Variants in ARHGAP6 observed in about 807,000 individuals in gnomAD.
ARHGAP6 encodes the protein Rho GTPase activating protein 6, also known as rho GTPase-activating protein 6.
ARHGAP6 carries 16 observed loss-of-function variants against 55.7 expected under a neutral mutation model. That is an observed-to-expected ratio of 0.29 (90% confidence interval 0.19 to 0.44). ARHGAP6 has a LOEUF of 0.44. ARHGAP6 is among the 20% of genes least tolerant of loss of function. ARHGAP6 has a pLI of 1.00. For synonymous variants in ARHGAP6, 382 were observed against 360.9 expected (o/e 1.06, Z -0.66); for missense variants, 698 against 808.9 (o/e 0.86, Z 1.66).
chrX:11,152,170 C>T (rs2045790530), intron 10 of ARHGAP6, among the ~76,000 whole-genome samples: 1 of 112,079 alleles, frequency 8.9e-6, no homozygotes, highest in East Asian at 2.8e-4. Flanking sequence ...TATGTATTAA[C>T]AGATATTAAC....
intron 1 of ARHGAP6, among the ~76,000 whole-genome samples, chrX:11,363,934 A>G (rs180713387): frequency 9.4e-4 from 105 of 112,298 alleles, no homozygotes; most frequent in Non-Finnish European, 1.5e-3. Context: ...ATAATATTCC[A>G]AAGACATGGA....
At position 11,495,533 on chromosome X, in the gene ARHGAP6, A is replaced by G. The variant is rs762261673; in HGVS notation, c.588+168708T>C. 1.2e-4 allele frequency among the ~76,000 whole-genome samples: 14 copies of G among 112,050 alleles called. No individual in the cohort carries two copies. In the East Asian group the frequency reaches 4.0e-3, roughly 32 times the overall value. On this transcript the variant is annotated intron_variant, in intron 1 of 12. Transcript: ENST00000337414. ...GTAGCCTATCTACATGGAGAGAGACATCTCTGAGCCAGGGAAGAGAGATGA... is the reference window on the plus strand; with the variant it reads ...GTAGCCTATCTACATGGAGAGAGACGTCTCTGAGCCAGGGAAGAGAGATGA...
chrX:11,309,482 C>A (rs1013251738), intron 1 of ARHGAP6, among the ~76,000 whole-genome samples: 2 of 110,502 alleles, frequency 1.8e-5, no homozygotes, highest in African/African-American at 6.6e-5. Context: ...AGTCAGACAC[C>A]CTGGGGAGCT....
chrX:11,326,154 G>C (rs1270962033), intron 1 of ARHGAP6, among the ~76,000 whole-genome samples: 2 of 99,405 alleles, frequency 2.0e-5, no homozygotes, highest in Admixed American at 1.1e-4. Context: ...TTGAGATGGA[G>C]TTTCGCTTTT....
chrX:11,179,765 C>CATATATATATATATGTATACAT (rs2046289046), intron 6 of ARHGAP6, among the ~76,000 whole-genome samples: 1 of 97,504 alleles, frequency 1.0e-5, no homozygotes, highest in East Asian at 3.1e-4. Flanking sequence ...TATATGTATA[C>CATATATATATATATGTATACAT]ATATATATAT....
intron 1 of ARHGAP6, among the ~76,000 whole-genome samples, chrX:11,567,379 C>T (rs1023759383): frequency 2.4e-4 from 26 of 108,156 alleles, no homozygotes; most frequent in Non-Finnish European, 7.7e-5. Context: ...TCAGAAACCC[C>T]GTCTCTACTA....
At chrX:11,288,893 C>G (rs1223225451) in intron 1 of ARHGAP6, among the ~76,000 whole-genome samples, 1 of 112,361 alleles carries the variant, frequency 8.9e-6, no homozygotes. Context: ...TATGTCTCCA[C>G]TGAACCTCAG....
Position 11,260,616 on chromosome X carries a change from G to C in ARHGAP6, c.589-5909C>G, listed in dbSNP as rs549080842. Among the ~76,000 whole-genome samples the C allele has an allele frequency of 1.6e-4, 18 of 111,889 alleles. No homozygotes were observed. In the South Asian group the frequency reaches 6.3e-3, roughly 39 times the overall value. ...GTTACTCAACTTTTGCCATTGTAGG[G>C]CAAAAACAGCCATAGACCCTACATA... is the stretch of plus-strand genomic sequence containing the variant. On this transcript the variant is annotated intron_variant, in intron 1 of 12. Transcript: ENST00000337414.
intron 1 of ARHGAP6, among the ~76,000 whole-genome samples, chrX:11,372,771 CAAAAAAA>C (rs1171647934): frequency 8.4e-4 from 12 of 14,359 alleles, no homozygotes; most frequent in South Asian, 5.0e-3. Flanking sequence ...GACTCCATCT[CAAAAAAA>C]AAAAAAAAAA....
intron 2 of ARHGAP6, among the ~76,000 whole-genome samples, chrX:11,252,401 C>T (rs1159118432): frequency 1.8e-5 from 2 of 112,323 alleles, no homozygotes; most frequent in Non-Finnish European, 1.9e-5. Flanking sequence ...TTGGCCCGGG[C>T]CCCACATGGG....
At chrX:11,405,522 A>G (rs1239369952) in intron 1 of ARHGAP6, among the ~76,000 whole-genome samples, 1 of 112,121 alleles carries the variant, frequency 8.9e-6, no homozygotes, top group East Asian at 2.8e-4. Context: ...TCAAGGGTTT[A>G]CTGTATGATT....
chrX:11,532,347 A>C (rs759944616), intron 1 of ARHGAP6, among the ~76,000 whole-genome samples: 1 of 112,506 alleles, frequency 8.9e-6, no homozygotes, highest in Non-Finnish European at 1.9e-5. Flanking sequence ...TGAATAACAA[A>C]ATTTTATTTT....
chrX:11,148,143 G>A (rs1017352348), intron 10 of ARHGAP6, among the ~76,000 whole-genome samples: 6 of 111,937 alleles, frequency 5.4e-5, no homozygotes, highest in African/African-American at 1.3e-4. Context: ...GGATATGTCC[G>A]AAAAATGAGA....
chrX:11,647,723 GA>G (rs2052544796), intron 1 of ARHGAP6, among the ~76,000 whole-genome samples: 1 of 112,244 alleles, frequency 8.9e-6, no homozygotes, highest in Non-Finnish European at 1.9e-5. Context: ...ATCAATAAAA[GA>G]AACATTGTAT....
intron 1 of ARHGAP6, among the ~76,000 whole-genome samples, chrX:11,570,598 G>A (rs2051502607): frequency 9.0e-6 from 1 of 110,625 alleles, no homozygotes; most frequent in Non-Finnish European, 1.9e-5. Flanking sequence ...TTATGGTACA[G>A]AAACTGAGGC....
intron 1 of ARHGAP6, among the ~76,000 whole-genome samples, chrX:11,534,571 C>G (rs1391636741): frequency 9.1e-6 from 1 of 109,943 alleles, no homozygotes; most frequent in Non-Finnish European, 1.9e-5. Flanking sequence ...TACCAACTGT[C>G]TTCTCGGGGG....
rs371951073 is a variant in ARHGAP6 at position 11,613,882 on chromosome X, A to G, written c.588+50359T>C. Among the ~76,000 whole-genome samples the G allele has an allele frequency of 3.6e-4, 40 of 112,216 alleles. No individual in the cohort carries two copies. The East Asian group carries it at 9.6e-3, about 27-fold the overall frequency. On this transcript the variant is annotated intron_variant, in intron 1 of 12. Transcript: ENST00000337414. ...AGTTACATGTACAAAGAAAAACAGC[A>G]AAACAGAAAACAAGGTTGTACTTTA...
At chrX:11,503,027 C>T (rs937843101) in intron 1 of ARHGAP6, among the ~76,000 whole-genome samples, 1 of 110,865 alleles carries the variant, frequency 9.0e-6, no homozygotes, top group Admixed American at 9.6e-5. Flanking sequence ...TCCCAAGTAG[C>T]TGGGATTACA....
intron 2 of ARHGAP6, among the ~76,000 whole-genome samples, chrX:11,239,319 T>C (rs1353076548): frequency 2.7e-5 from 3 of 111,744 alleles, no homozygotes; most frequent in Non-Finnish European, 5.6e-5. Context: ...GGAAACTCAC[T>C]TATCAAGCAT....
Sources: allele counts gnomAD v4.1 joint callset (sites outside exome capture counted in the v4.1 genomes callset), GRCh38; gene constraint gnomAD v4.1.1; transcripts MANE v1.5; gene names NCBI Gene and HGNC (gene_info 2026-07-23, HGNC 2026-07-21).